EPHA6: variants seen among roughly 807,000 people sequenced by gnomAD.
EPHA6 encodes EPH receptor A6.
EPHA6 carries 50 observed loss-of-function variants against 112.0 expected under a neutral mutation model. The observed-to-expected ratio is 0.45, with a 90% confidence interval of 0.36 to 0.56. The LOEUF (loss-of-function observed/expected upper bound fraction) is 0.56, where lower values mean the gene tolerates loss of function less well. Ranked by LOEUF, EPHA6 falls within the 20% of genes least tolerant of loss-of-function variation. The pLI is 0.00. For missense variants in EPHA6, 1,280 were observed against 1,417.4 expected, an observed-to-expected ratio of 0.90 and a Z score of 1.56; for synonymous variants, 529 against 490.7, an observed-to-expected ratio of 1.08 and a Z score of -1.03.
At chr3:97,625,876 G>C (rs4857280) in intron 13 of EPHA6, among the ~76,000 whole-genome samples, 40,200 of 151,492 alleles carry the variant, frequency 0.27, 8,171 homozygotes, top group African/African-American at 0.56. Context: ...ATTGACTTTG[G>C]AGAGTAGAAG....
At chr3:96,957,313 C>T (rs1240906061) in intron 2 of EPHA6, among the ~76,000 whole-genome samples, 4 of 152,138 alleles carry the variant, frequency 2.6e-5, no homozygotes, top group Non-Finnish European at 4.4e-5. Flanking sequence ...GACAGTGTTG[C>T]ATGGCTAAAG....
chr3:97,744,511 C>A (rs1340407322), intron 16 of EPHA6, among the ~76,000 whole-genome samples: 4 of 151,854 alleles, frequency 2.6e-5, no homozygotes, highest in African/African-American at 9.7e-5. Context: ...ATGAGGGGAC[C>A]CTGACCTTAC....
chr3:96,952,113 A>G (rs1015453577), intron 2 of EPHA6, among the ~76,000 whole-genome samples: 2 of 152,172 alleles, frequency 1.3e-5, no homozygotes, highest in Non-Finnish European at 2.9e-5. Context: ...CCATTGTACT[A>G]GGAAGAGACC....
intron 3 of EPHA6, among the ~76,000 whole-genome samples, chr3:97,223,116 T>A (rs2078254848): frequency 6.6e-6 from 1 of 152,204 alleles, no homozygotes; most frequent in South Asian, 2.1e-4. Context: ...CTTTGGCAAT[T>A]CATTCCTTTA....
intron 5 of EPHA6, among the ~76,000 whole-genome samples, chr3:97,297,397 T>G (rs1468598638): frequency 6.6e-6 from 1 of 152,212 alleles, no homozygotes. Context: ...CTGCCTTCAG[T>G]CAGCCATCTT....
intron 5 of EPHA6, among the ~76,000 whole-genome samples, chr3:97,246,815 C>G (rs2078999965): frequency 6.6e-6 from 1 of 151,860 alleles, no homozygotes; most frequent in African/African-American, 2.4e-5. Context: ...TCTTCTTGTG[C>G]TTGAAATTCT....
At chr3:97,644,671 T>C (rs2094041695) in intron 14 of EPHA6, among the ~76,000 whole-genome samples, 1 of 149,860 alleles carries the variant, frequency 6.7e-6, no homozygotes, top group African/African-American at 2.4e-5. Flanking sequence ...TCTACGCAAA[T>C]AAACTAGAAA....
chr3:97,411,127 C>G (rs2087687478), intron 6 of EPHA6, among the ~76,000 whole-genome samples: 1 of 151,118 alleles, frequency 6.6e-6, no homozygotes, highest in African/African-American at 2.4e-5. Context: ...CTAATTAAAA[C>G]AGCATTACCT....
intron 14 of EPHA6, among the ~76,000 whole-genome samples, chr3:97,659,233 T>TA (rs2094154772): frequency 6.6e-6 from 1 of 151,852 alleles, no homozygotes; most frequent in African/African-American, 2.4e-5. Flanking sequence ...AGATCAAATG[T>TA]AAAATTAGAA....
At chr3:97,710,130 T>A in intron 14 of EPHA6, among the ~76,000 whole-genome samples, 1 of 152,354 alleles carries the variant, frequency 6.6e-6, no homozygotes, top group East Asian at 1.9e-4. Flanking sequence ...TTTTTCCAAG[T>A]TCTTCTCCAC....
chr3:97,417,023 C>G (rs1427704995), intron 6 of EPHA6, among the ~76,000 whole-genome samples: 1 of 152,010 alleles, frequency 6.6e-6, no homozygotes, highest in Non-Finnish European at 1.5e-5. Context: ...TTTTATTTCT[C>G]AAAATATTAG....
At chr3:96,828,313 A>G (rs1235427301) in intron 1 of EPHA6, among the ~76,000 whole-genome samples, 1 of 152,122 alleles carries the variant, frequency 6.6e-6, no homozygotes. Context: ...AGAGGAGATA[A>G]CGTGGACCTA....
At chr3:97,699,594 C>G (rs558718071) in intron 14 of EPHA6, among the ~76,000 whole-genome samples, 2 of 152,294 alleles carry the variant, frequency 1.3e-5, no homozygotes, top group South Asian at 4.1e-4. Context: ...CTGTACTTTA[C>G]TGCACCGTGT....
At chr3:97,194,468 ACTTGTTTCATGGC>A (rs2077388492) in intron 3 of EPHA6, among the ~76,000 whole-genome samples, 1 of 152,000 alleles carries the variant, frequency 6.6e-6, no homozygotes, top group Non-Finnish European at 1.5e-5. Context: ...AATTTCTAAT[ACTTGTTTCATGGC>A]CTAACATATG....
chr3:96,986,386 TCTGA>T (rs1341135771), intron 2 of EPHA6, among the ~76,000 whole-genome samples: 6 of 152,184 alleles, frequency 3.9e-5, no homozygotes, highest in Non-Finnish European at 7.4e-5. Flanking sequence ...TTGGCTGCTC[TCTGA>T]CTGTCTGTTC....
intron 5 of EPHA6, among the ~76,000 whole-genome samples, chr3:97,373,049 ATAAT>A (rs2085149548): frequency 2.0e-5 from 3 of 152,166 alleles, no homozygotes; most frequent in Admixed American, 2.0e-4. Flanking sequence ...ATGAAATTTC[ATAAT>A]AAACAGAAGG....
At chr3:97,388,929 A>G (rs1174425504) in intron 5 of EPHA6, among the ~76,000 whole-genome samples, 1 of 152,170 alleles carries the variant, frequency 6.6e-6, no homozygotes, top group Non-Finnish European at 1.5e-5. Flanking sequence ...AGGAAACACC[A>G]TCATTGTGGA....
intron 14 of EPHA6, among the ~76,000 whole-genome samples, chr3:97,674,743 T>C (rs2031195429): frequency 6.6e-6 from 1 of 152,262 alleles, no homozygotes; most frequent in East Asian, 1.9e-4. Flanking sequence ...AGGCAAGCAT[T>C]GTGCTTGTTA....
At chr3:97,441,740 A>G (rs1003201859) in intron 6 of EPHA6, among the ~76,000 whole-genome samples, 1 of 152,084 alleles carries the variant, frequency 6.6e-6, no homozygotes, top group Non-Finnish European at 1.5e-5. Flanking sequence ...AAATGTAATT[A>G]TAAGTGGTCA....
Sources: gnomAD v4.1 joint callset for allele counts (sites outside exome capture counted in the v4.1 genomes callset) on GRCh38, gnomAD v4.1.1 for gene constraint, MANE v1.5 for transcripts, NCBI Gene and HGNC (gene_info 2026-07-23, HGNC 2026-07-21) for gene names.